The following ATP10A variants were observed in gnomAD, a reference collection of about 807,000 sequenced individuals.
ATP10A encodes phospholipid-transporting ATPase VA.
ATP10A carries 111 observed loss-of-function variants against 147.8 expected under a neutral mutation model. The observed-to-expected ratio is 0.75, with a 90% CI of 0.64 to 0.88. The LOEUF is 0.88. Ranked by LOEUF, ATP10A falls within the 40% of genes least tolerant of loss-of-function variation. ATP10A has a pLI of 0.00. For synonymous variants in ATP10A, 875 were observed against 841.6 expected (o/e 1.04, Z -0.69); for missense variants, 1,927 against 1,959.0 (o/e 0.98, Z 0.31).
intron 1 of ATP10A, among the ~76,000 whole-genome samples, chr15:25,811,536 G>C (rs1036916928): frequency 2.6e-5 from 4 of 152,098 alleles, no homozygotes; most frequent in African/African-American, 9.7e-5. Context: ...TCTGTGGATG[G>C]GCCCATCCAA....
Position 25,776,228 on chromosome 15 carries a change from C to T in ATP10A, c.654+4791G>A, listed in dbSNP as rs576489881. Among the ~76,000 whole-genome samples the T allele has an allele frequency of 1.1e-4, 16 of 152,220 alleles. No individual in the cohort carries two copies. The South Asian group carries it at 2.1e-3, about 20-fold the overall frequency. On this transcript the variant is annotated intron_variant, in intron 2 of 20. Transcript: ENST00000555815. Reference sequence around the variant, plus strand: ...AACTGCTACCCACAGAACATCTGAACGTATGCACCTTCGTGGCAGGGCTGC... The same window carrying T: ...AACTGCTACCCACAGAACATCTGAATGTATGCACCTTCGTGGCAGGGCTGC...
chr15:25,848,531 G>T (rs1596996547), intron 1 of ATP10A, among the ~76,000 whole-genome samples: 1 of 152,102 alleles, frequency 6.6e-6, no homozygotes, highest in East Asian at 1.9e-4. Context: ...TTTCGGCAGG[G>T]CGGCGGGAGA....
intron 1 of ATP10A, among the ~76,000 whole-genome samples, chr15:25,831,466 G>A (rs572385025): frequency 3.3e-5 from 5 of 152,316 alleles, no homozygotes; most frequent in South Asian, 4.1e-4. Context: ...TCAGTGTGTC[G>A]AGATGTGAAA....
intron 2 of ATP10A, among the ~76,000 whole-genome samples, chr15:25,753,521 C>T (rs1044898994): frequency 7.9e-5 from 12 of 151,790 alleles, no homozygotes; most frequent in Non-Finnish European, 1.3e-4. Flanking sequence ...CCCTGAGACC[C>T]CCTGAGGAAC....
intron 2 of ATP10A, among the ~76,000 whole-genome samples, chr15:25,758,888 T>TACTCATTCTGATCACCTGCTCCACCCTA (rs1888597398): frequency 7.0e-5 from 9 of 129,312 alleles, no homozygotes; most frequent in Non-Finnish European, 1.1e-4. Flanking sequence ...GCTCCACCCT[T>TACTCATTCTGATCACCTGCTCCACCCTA]ACTCATTCTG....
intron 1 of ATP10A, among the ~76,000 whole-genome samples, chr15:25,826,350 A>G (rs1402886304): frequency 6.6e-6 from 1 of 152,214 alleles, no homozygotes; most frequent in Admixed American, 6.5e-5. Context: ...GCTTGAGCTC[A>G]TGAGTTTGAG....
At chr15:25,800,856 CA>C (rs1229559355) in intron 1 of ATP10A, among the ~76,000 whole-genome samples, 2 of 151,986 alleles carry the variant, frequency 1.3e-5, no homozygotes, top group Non-Finnish European at 2.9e-5. Flanking sequence ...ACTTTATTAC[CA>C]ATATTACAAC....
At chr15:25,727,122 C>T in intron 4 of ATP10A, 38 bp downstream of exon 4, 3 of 1,451,988 alleles carry the variant, frequency 2.1e-6, no homozygotes, top group Non-Finnish European at 2.9e-6. Context: ...GAACACAGCG[C>T]TGTCTGGCGG....
At chr15:25,807,017 GGGGCATCCACC>G (rs1891218218) in intron 1 of ATP10A, among the ~76,000 whole-genome samples, 1 of 152,226 alleles carries the variant, frequency 6.6e-6, no homozygotes, top group African/African-American at 2.4e-5. Flanking sequence ...ATCAAACGGA[GGGGCATCCACC>G]GGGCTGGAAA....
intron 2 of ATP10A, among the ~76,000 whole-genome samples, chr15:25,766,903 TA>T (rs778348104): frequency 0.025 from 2,765 of 110,594 alleles, 21 homozygotes; most frequent in African/African-American, 0.037. Context: ...GAACTGTTTC[TA>T]AAAAAAAAAA....
chr15:25,772,630 A>T (rs1889395543), intron 2 of ATP10A, among the ~76,000 whole-genome samples: 2 of 152,300 alleles, frequency 1.3e-5, no homozygotes, highest in African/African-American at 4.8e-5. Flanking sequence ...ACACAAATGA[A>T]AGGGCTTGTT....
chr15:25,682,378 G>A (rs888138607), intron 17 of ATP10A, among the ~76,000 whole-genome samples: 4 of 152,176 alleles, frequency 2.6e-5, no homozygotes, highest in African/African-American at 7.2e-5. Flanking sequence ...GTGACCAAAT[G>A]TGTATTTGAC....
intron 2 of ATP10A, among the ~76,000 whole-genome samples, chr15:25,740,052 T>A (rs564706184): frequency 1.3e-5 from 2 of 152,186 alleles, no homozygotes; most frequent in Non-Finnish European, 2.9e-5. Context: ...GTGTGTCTAA[T>A]TCAGCAGTGC....
At chr15:25,851,090 A>C (rs1893276946) in intron 1 of ATP10A, among the ~76,000 whole-genome samples, 1 of 152,022 alleles carries the variant, frequency 6.6e-6, no homozygotes, top group African/African-American at 2.4e-5. Context: ...GAGCCTTGTC[A>C]AGTCTGGCCT....
chr15:25,749,730 T>A (rs1219152766), intron 2 of ATP10A, among the ~76,000 whole-genome samples: 1 of 152,188 alleles, frequency 6.6e-6, no homozygotes, highest in Non-Finnish European at 1.5e-5. Context: ...ATTAAAGCAG[T>A]AATTATGCTG....
chr15:25,719,729 G>A (rs1902094760), intron 7 of ATP10A, among the ~76,000 whole-genome samples: 1 of 152,144 alleles, frequency 6.6e-6, no homozygotes, highest in Non-Finnish European at 1.5e-5. Flanking sequence ...CCCCAGGAAA[G>A]ATGAGGCCCA....
At chr15:25,847,736 TCAAA>T (rs1360652821) in intron 1 of ATP10A, among the ~76,000 whole-genome samples, 8 of 144,398 alleles carry the variant, frequency 5.5e-5, no homozygotes, top group Admixed American at 2.1e-4. Context: ...CCTTCTGTGC[TCAAA>T]CAATCTCAGC....
chr15:25,750,456 AGCCATTCAG>A (rs1004475629), intron 2 of ATP10A, among the ~76,000 whole-genome samples: 4 of 152,256 alleles, frequency 2.6e-5, no homozygotes, highest in African/African-American at 9.6e-5. Context: ...TGATAAAGGA[AGCCATTCAG>A]GCAAAAGGAA....
intron 1 of ATP10A, among the ~76,000 whole-genome samples, chr15:25,829,993 G>C (rs1892283979): frequency 6.6e-6 from 1 of 152,150 alleles, no homozygotes; most frequent in Non-Finnish European, 1.5e-5. Flanking sequence ...CTAGGGGCCG[G>C]GGTGGAGGCA....
Sources: gnomAD v4.1 joint callset for allele counts (sites outside exome capture counted in the v4.1 genomes callset) on GRCh38, gnomAD v4.1.1 for gene constraint, MANE v1.5 for transcripts, NCBI Gene and HGNC (gene_info 2026-07-23, HGNC 2026-07-21) for gene names.